The following CNTNAP4 variants were observed in gnomAD, a reference collection of about 807,000 sequenced individuals.
CNTNAP4 encodes the protein contactin associated protein family member 4, also known as contactin-associated protein-like 4.
A neutral mutation model predicts 148.4 loss-of-function variants in CNTNAP4; 98 were observed. The ratio of observed to expected loss-of-function variants is 0.66; its 90% confidence interval spans 0.56 to 0.78. CNTNAP4 has a LOEUF of 0.78. Among genes scored for constraint, CNTNAP4 ranks in the 30% least tolerant of loss-of-function variants. The pLI, the probability that CNTNAP4 is intolerant of heterozygous loss-of-function variation, is 0.00. For synonymous variants in CNTNAP4, 730 were observed against 565.1 expected (o/e 1.29, Z -4.14); for missense variants, 1,935 against 1,565.6 (o/e 1.24, Z -3.98).
intron 10 of CNTNAP4, among the ~76,000 whole-genome samples, chr16:76,473,660 G>C (rs1299501107): frequency 1.3e-5 from 2 of 152,180 alleles, no homozygotes; most frequent in South Asian, 2.1e-4. Flanking sequence ...TGTAGTTCCA[G>C]CTACTCGGGA....
intron 3 of CNTNAP4, among the ~76,000 whole-genome samples, chr16:76,370,113 A>T (rs2014625392): frequency 6.6e-6 from 1 of 152,144 alleles, no homozygotes. Context: ...GCTATCTCCT[A>T]CTTGTTATAC....
chr16:76,306,614 C>T (rs544531547), intron 1 of CNTNAP4, among the ~76,000 whole-genome samples: 8 of 152,318 alleles, frequency 5.3e-5, no homozygotes, highest in African/African-American at 1.7e-4. Flanking sequence ...TCGCATACGT[C>T]CAGTGACAGG....
At chr16:76,379,814 A>G (rs1333416321) in intron 3 of CNTNAP4, among the ~76,000 whole-genome samples, 1 of 152,178 alleles carries the variant, frequency 6.6e-6, no homozygotes, top group African/African-American at 2.4e-5. Flanking sequence ...AAATTGATTC[A>G]TGGATCCGTA....
rs144062996 is a variant in CNTNAP4 at position 76,512,245 on chromosome 16, T to G, written c.2366-8895T>G. Among the ~76,000 whole-genome samples the G allele has an allele frequency of 2.6e-3, 401 of 152,204 alleles. 2 individuals are homozygous for G. The highest frequency in any genetic ancestry group is 9.0e-3 in the African/African-American group (374 of 41,542). On this transcript the variant is annotated intron_variant, in intron 15 of 23. Transcript: ENST00000611870. ...CAATCTGAATGAAATTGGAGAACATTAGAGACTTTTGAGAAGACGAGTGAT... is the reference window on the plus strand; with the variant it reads ...CAATCTGAATGAAATTGGAGAACATGAGAGACTTTTGAGAAGACGAGTGAT...
rs2082145632 is a variant in CNTNAP4 at position 76,489,755 on chromosome 16, A to G, written c.1952A>G (p.Asn651Ser). The G allele has an allele frequency of 6.2e-7, 1 of 1,604,508 alleles. No individual in the cohort carries two copies. The highest frequency in any genetic ancestry group is 1.3e-5 in the African/African-American group (1 of 74,802). Residue 651 changes from asparagine to serine, a missense_variant, in exon 13 of 24, where the codon AAC (asparagine) becomes AGC (serine). Asn to Ser is a conservative substitution (Grantham distance 46, BLOSUM62 1). Coordinates refer to ENST00000611870, the MANE Select transcript of CNTNAP4 (RefSeq NM_033401.5). Reference sequence around the variant, plus strand: ...AGAGTCAGAAATACTAATCCAGAGAACCCATATGCTGGGTTTTTCGAGTAT... The same window carrying G: ...AGAGTCAGAAATACTAATCCAGAGAGCCCATATGCTGGGTTTTTCGAGTAT... ...LTRVRNTNPE[N>S]PYAGFFEYVA...
chr16:76,477,015 C>A (rs1004185513), intron 11 of CNTNAP4, among the ~76,000 whole-genome samples: 4 of 151,758 alleles, frequency 2.6e-5, no homozygotes, highest in Non-Finnish European at 4.4e-5. Flanking sequence ...TTTTCTATGT[C>A]CTAACTCGTT....
At chr16:76,372,604 G>A (rs2014968758) in intron 3 of CNTNAP4, among the ~76,000 whole-genome samples, 1 of 152,084 alleles carries the variant, frequency 6.6e-6, no homozygotes, top group Non-Finnish European at 1.5e-5. Context: ...TTTTGTAAAG[G>A]GTTTCCCCTT....
rs572809219 is a variant in CNTNAP4 at position 76,545,740 on chromosome 16, G to T, written c.3442+4950G>T. On this transcript the variant is annotated intron_variant, in intron 21 of 23. Transcript: ENST00000611870. ...TGTTTATTTCTTTAATTACTAACAT[G>T]CCTTAAAAGGTACCCAGCCAGGCAC... Among the ~76,000 whole-genome samples the T allele has an allele frequency of 2.6e-5, 4 of 152,230 alleles. No homozygotes were observed. The South Asian group carries it at 6.2e-4, about 24-fold the overall frequency.
At chr16:76,314,897 T>C (rs1961540533) in intron 1 of CNTNAP4, among the ~76,000 whole-genome samples, 1 of 152,176 alleles carries the variant, frequency 6.6e-6, no homozygotes, top group South Asian at 2.1e-4. Flanking sequence ...ATTTTATAAT[T>C]TTCATTTTTT....
At chr16:76,452,828 TG>T (rs2080565192) in intron 8 of CNTNAP4, 59 bp downstream of exon 8, 2 of 1,437,158 alleles carry the variant, frequency 1.4e-6, no homozygotes, top group Non-Finnish European at 1.8e-6. Flanking sequence ...ATTATCTCTG[TG>T]GCCAAATTTT....
In CNTNAP4 at chr16:76,500,941, A is replaced by G. The variant is rs139247761; in HGVS notation, c.2365+2247A>G. Among the ~76,000 whole-genome samples, 999 of 152,310 alleles carry G rather than the reference A, an allele frequency of 6.6e-3. 9 individuals carry two copies. Among genetic ancestry groups the G allele is most frequent in the African/African-American group, 0.023 (948 of 41,550 alleles). ...GGAAATAGATGAAATATTTGTTTACATTAACACCACGCCTTAAAATAAAAT... is the reference window on the plus strand; with the variant it reads ...GGAAATAGATGAAATATTTGTTTACGTTAACACCACGCCTTAAAATAAAAT... On this transcript the variant is annotated intron_variant, in intron 15 of 23. Coordinates refer to ENST00000611870, the MANE Select transcript of CNTNAP4 (RefSeq NM_033401.5).
intron 3 of CNTNAP4, among the ~76,000 whole-genome samples, chr16:76,420,270 A>AGAATATATATTAGAATAATGTATATTCTG (rs2079138972): frequency 3.7e-5 from 3 of 80,340 alleles, no homozygotes; most frequent in Admixed American, 1.4e-4. Flanking sequence ...TGTATATTCT[A>AGAATATATATTAGAATAATGTATATTCTG]TAGGAGATAA....
chr16:76,316,696 A>G (rs1961795534), intron 2 of CNTNAP4, among the ~76,000 whole-genome samples, 173 bp downstream of exon 2: 1 of 152,246 alleles, frequency 6.6e-6, no homozygotes, highest in South Asian at 2.1e-4. Context: ...CTGGAATGTG[A>G]AAGGGATACA....
chr16:76,417,574 G>T (rs2079033514), intron 3 of CNTNAP4, among the ~76,000 whole-genome samples: 1 of 151,462 alleles, frequency 6.6e-6, no homozygotes, highest in African/African-American at 2.4e-5. Context: ...ATTTATCCAT[G>T]TGCTATAAGC....
chr16:76,373,279 TCCACATAAATA>T (rs2015053563), intron 3 of CNTNAP4, among the ~76,000 whole-genome samples: 3 of 151,860 alleles, frequency 2.0e-5, no homozygotes, highest in African/African-American at 7.3e-5. Flanking sequence ...TGAAATATAT[TCCACATAAATA>T]TGTGAAATAT....
chr16:76,536,466 G>A (rs2144252998), intron 18 of CNTNAP4, among the ~76,000 whole-genome samples: 1 of 152,176 alleles, frequency 6.6e-6, no homozygotes, highest in South Asian at 2.1e-4. Flanking sequence ...AAAGTGCTGG[G>A]ATTACAGACG....
intron 10 of CNTNAP4, among the ~76,000 whole-genome samples, chr16:76,470,252 C>T (rs543345710): frequency 6.6e-6 from 1 of 152,082 alleles, no homozygotes; most frequent in South Asian, 2.1e-4. Flanking sequence ...CATGCAGCCC[C>T]TCTGGGTGCA....
intron 8 of CNTNAP4, among the ~76,000 whole-genome samples, chr16:76,459,230 C>A (rs1001739093): frequency 3.9e-5 from 6 of 152,158 alleles, no homozygotes; most frequent in Non-Finnish European, 7.3e-5. Context: ...TGAAATCTAT[C>A]TTAAAGGAAG....
intron 2 of CNTNAP4, among the ~76,000 whole-genome samples, chr16:76,350,224 A>T (rs12325294): frequency 0.19 from 28,384 of 152,104 alleles, 3,448 homozygotes; most frequent in East Asian, 0.47. Flanking sequence ...ATGGGGTGAT[A>T]TGTAAAGTGA....
Sources: allele counts gnomAD v4.1 joint callset (sites outside exome capture counted in the v4.1 genomes callset), GRCh38; gene constraint gnomAD v4.1.1; transcripts MANE v1.5; gene names NCBI Gene and HGNC (gene_info 2026-07-23, HGNC 2026-07-21).